The following HPSE2 variants were observed in gnomAD, a reference collection of about 807,000 sequenced individuals.
HPSE2 encodes the protein heparanase 2 (inactive).
Under a neutral mutation model 60.5 loss-of-function variants are expected in HPSE2, and 38 were observed. The observed-to-expected ratio is 0.63, with a 90% confidence interval of 0.48 to 0.82. The LOEUF (loss-of-function observed/expected upper bound fraction) is 0.82. HPSE2 is among the 40% of genes least tolerant of loss of function. HPSE2 has a pLI of 0.00. For synonymous variants in HPSE2, 295 were observed against 293.2 expected, an observed-to-expected ratio of 1.01 and a Z score of -0.06; for missense variants, 713 against 740.4, an observed-to-expected ratio of 0.96 and a Z score of 0.43.
the HPSE2 span, among the ~76,000 whole-genome samples, chr10:99,267,669 A>G: frequency 6.6e-6 from 1 of 151,820 alleles, no homozygotes; most frequent in Non-Finnish European, 1.5e-5. Context: ...AGTCCCAGCT[A>G]CTCGGGAGGC....
intron 3 of HPSE2, among the ~76,000 whole-genome samples, chr10:99,096,074 T>C (rs1843708330): frequency 6.6e-6 from 1 of 152,222 alleles, no homozygotes; most frequent in African/African-American, 2.4e-5. Flanking sequence ...GTCTTTGATA[T>C]ATCTTCTTCA....
chr10:99,299,353 C>T, the HPSE2 span, among the ~76,000 whole-genome samples: 7 of 152,106 alleles, frequency 4.6e-5, no homozygotes, highest in South Asian at 2.1e-4. Context: ...CTGATGGAGA[C>T]GGAGAAACAA....
At chr10:98,776,278 C>CAA (rs35176062) in intron 3 of HPSE2, among the ~76,000 whole-genome samples, 4 of 137,084 alleles carry the variant, frequency 2.9e-5, no homozygotes, top group East Asian at 2.1e-4. Flanking sequence ...ACTAAAAATA[C>CAA]AAAAAAAAAA....
chr10:98,987,477 A>T (rs1956394855), intron 3 of HPSE2, among the ~76,000 whole-genome samples: 2 of 152,212 alleles, frequency 1.3e-5, no homozygotes, highest in South Asian at 4.1e-4. Flanking sequence ...CAAATTAGGT[A>T]TCGATGGGAC....
rs190894584 is a variant in HPSE2, at chr10:99,064,050, G to A, written c.610+80188C>T. Among the ~76,000 whole-genome samples the A allele has an allele frequency of 1.1e-4, 17 of 152,226 alleles. No homozygotes were observed. The East Asian group carries it at 2.1e-3, about 19-fold the overall frequency. On this transcript the variant is annotated intron_variant, in intron 3 of 11. Transcript: ENST00000370552. ...GGAGGTTGCAGTGAGCTGAGATCGCGCCACTGCACTCCAGCCTGGTGACAG... is the reference window on the plus strand; with the variant it reads ...GGAGGTTGCAGTGAGCTGAGATCGCACCACTGCACTCCAGCCTGGTGACAG...
chr10:98,889,375 T>G (rs1340010047), intron 3 of HPSE2, among the ~76,000 whole-genome samples: 1 of 151,726 alleles, frequency 6.6e-6, no homozygotes, highest in Admixed American at 6.6e-5. Context: ...TTTTTTTTTT[T>G]TTTGTATTTT....
intron 3 of HPSE2, among the ~76,000 whole-genome samples, chr10:98,819,448 T>TCTTG (rs1456750249): frequency 1.3e-5 from 2 of 151,198 alleles, no homozygotes; most frequent in East Asian, 3.9e-4. Context: ...TAACCAGTTC[T>TCTTG]CTTGGCCCCA....
At chr10:98,899,912 T>A (rs1017830471) in intron 3 of HPSE2, among the ~76,000 whole-genome samples, 16 of 152,010 alleles carry the variant, frequency 1.1e-4, no homozygotes, top group Non-Finnish European at 2.2e-4. Context: ...GCTTCCCGAG[T>A]AGCTGGGATT....
chr10:98,983,973 G>A (rs1956272808), intron 3 of HPSE2, among the ~76,000 whole-genome samples: 1 of 152,202 alleles, frequency 6.6e-6, no homozygotes. Flanking sequence ...CCAGGCTTGA[G>A]TAGGTAAACA....
intron 3 of HPSE2, among the ~76,000 whole-genome samples, chr10:98,857,836 G>A (rs1172723121): frequency 6.6e-6 from 1 of 152,072 alleles, no homozygotes; most frequent in African/African-American, 2.4e-5. Context: ...AAGGCATAGA[G>A]TCTTTTCTAG....
rs375834033 is a variant in HPSE2, at chr10:98,714,092, A to T, written c.956+7565T>A. ...GGCTGTCCTATAAGCCAGCTGTTGG[A>T]TATCCTTAATTGATTCTCTATATCA... is the stretch of plus-strand genomic sequence containing the variant. On this transcript the variant is annotated intron_variant, in intron 5 of 11. Transcript: ENST00000370552. Among the ~76,000 whole-genome samples the T allele has an allele frequency of 8.6e-5, 13 of 151,864 alleles. No homozygotes were observed. In the East Asian group the frequency reaches 9.6e-4, roughly 11 times the overall value.
intron 6 of HPSE2, among the ~76,000 whole-genome samples, chr10:98,653,054 T>A (rs1262698896): frequency 1.3e-5 from 2 of 152,326 alleles, no homozygotes; most frequent in African/African-American, 4.8e-5. Context: ...TGTTGTTAGA[T>A]GCATACATGT....
chr10:98,640,074 A>G (rs1946599782), intron 7 of HPSE2, among the ~76,000 whole-genome samples: 1 of 152,238 alleles, frequency 6.6e-6, no homozygotes, highest in Admixed American at 6.5e-5. Flanking sequence ...TCAGATTAGC[A>G]TAATGTGCTT....
rs143094149 is a variant in HPSE2, at chr10:98,571,581, A to C, written c.1320+43323T>G. Among the ~76,000 whole-genome samples, 260 of 152,304 alleles carry C rather than the reference A, an allele frequency of 1.7e-3. 1 individual carries two copies. The highest frequency in any genetic ancestry group is 6.1e-3 in the African/African-American group (252 of 41,566). Reference sequence around the variant, plus strand: ...GAACAAAGAGGAAGTAACTAACTTGAGTCTCCTAACATATCCATAGTAGAC... The same window carrying C: ...GAACAAAGAGGAAGTAACTAACTTGCGTCTCCTAACATATCCATAGTAGAC... On this transcript the variant is annotated intron_variant, in intron 9 of 11. Transcript: ENST00000370552.
intron 3 of HPSE2, among the ~76,000 whole-genome samples, chr10:98,789,254 G>A (rs976694884): frequency 5.9e-5 from 9 of 152,140 alleles, no homozygotes; most frequent in Non-Finnish European, 1.2e-4. Flanking sequence ...GAAGTACTAC[G>A]GGGAACTGTG....
intron 3 of HPSE2, among the ~76,000 whole-genome samples, chr10:99,118,785 G>A (rs988100929): frequency 5.9e-5 from 9 of 152,156 alleles, no homozygotes; most frequent in Non-Finnish European, 1.3e-4. Context: ...GGGAGGCTGA[G>A]GTGGTCAGAC....
rs557256327 is a variant in HPSE2 at position 98,460,131 on chromosome 10, A to G, written c.1614-392T>C. On this transcript the variant is annotated intron_variant, in intron 11 of 11. Transcript: ENST00000370552. ...TCATTCCTATTTTTTAAAAATCACA[A>G]TATCAGCTCAGTTTGACTTTTCCAC... Among the ~76,000 whole-genome samples the G allele has an allele frequency of 1.8e-4, 27 of 152,294 alleles. No individual in the cohort carries two copies. The South Asian group carries it at 3.9e-3, about 22-fold the overall frequency.
chr10:99,292,034 CA>C, the HPSE2 span, among the ~76,000 whole-genome samples: 1 of 151,646 alleles, frequency 6.6e-6, no homozygotes, highest in African/African-American at 2.4e-5. Flanking sequence ...TAAGAATGAA[CA>C]AAAAACTAGA....
intron 9 of HPSE2, among the ~76,000 whole-genome samples, chr10:98,513,772 C>T (rs868833938): frequency 3.3e-5 from 5 of 152,072 alleles, no homozygotes; most frequent in Admixed American, 3.3e-4. Context: ...TCTGGTATGC[C>T]AGTGAAACAT....
Sources: gnomAD v4.1 joint callset for allele counts (sites outside exome capture counted in the v4.1 genomes callset) on GRCh38, gnomAD v4.1.1 for gene constraint, MANE v1.5 for transcripts, NCBI Gene and HGNC (gene_info 2026-07-23, HGNC 2026-07-21) for gene names.